CHRM3: variants seen among roughly 807,000 people sequenced by gnomAD.
The protein encoded by CHRM3 is cholinergic receptor muscarinic 3.
A neutral mutation model predicts 41.8 loss-of-function variants in CHRM3; 11 were observed. That is an observed-to-expected ratio of 0.26 (90% CI 0.17 to 0.44). CHRM3 has a LOEUF of 0.44. Ranked by LOEUF, CHRM3 falls within the 20% of genes least tolerant of loss-of-function variation. The pLI, the probability that CHRM3 is intolerant of heterozygous loss-of-function variation, is 1.00. For synonymous variants in CHRM3, 297 were observed against 301.4 expected, an observed-to-expected ratio of 0.99 and a Z score of 0.15; for missense variants, 571 against 745.4, an observed-to-expected ratio of 0.77 and a Z score of 2.72.
intron 5 of CHRM3, among the ~76,000 whole-genome samples, chr1:239,810,500 G>A (rs548118865): frequency 7.2e-5 from 11 of 152,334 alleles, no homozygotes; most frequent in African/African-American, 2.6e-4. Flanking sequence ...AGGGGAACAA[G>A]CCTGGAGGAC....
At chr1:239,506,278 A>G (rs1668564898) in intron 2 of CHRM3, among the ~76,000 whole-genome samples, 1 of 152,088 alleles carries the variant, frequency 6.6e-6, no homozygotes. Flanking sequence ...CCCTCCCATC[A>G]CAAGCCCAGA....
chr1:239,433,632 C>G (rs1190997873), intron 1 of CHRM3, among the ~76,000 whole-genome samples: 1 of 141,952 alleles, frequency 7.0e-6, no homozygotes, highest in Non-Finnish European at 1.5e-5. Flanking sequence ...CCCCCAAGTT[C>G]CCAAAGTCCA....
At chr1:239,435,189 C>T (rs562708370) in intron 1 of CHRM3, among the ~76,000 whole-genome samples, 56 of 142,340 alleles carry the variant, frequency 3.9e-4, no homozygotes, top group Non-Finnish European at 7.0e-4. Context: ...CGATGGCTCA[C>T]GCCTGTAATC....
rs1317788285 is a variant in CHRM3, at chr1:239,708,748, T to C, written c.-147+30460T>C. On this transcript the variant is annotated intron_variant, in intron 5 of 6. Coordinates refer to ENST00000676153, the MANE Select transcript of CHRM3 (RefSeq NM_001375978.1). ...TGGTTTAAATTTTCTTTTTTTTTTT[T>C]TTTTTTTTTTTTTTTGGTGTTTGAG... Among the ~76,000 whole-genome samples the C allele has an allele frequency of 4.3e-5, 6 of 140,670 alleles. No homozygotes were observed. The East Asian group carries it at 1.0e-3, about 24-fold the overall frequency. The allele number at this position is 140,670 out of a possible 152,430, so 92.3% of individuals were successfully genotyped here. A position where few individuals can be genotyped will look rare whatever the true frequency, so the allele number is the denominator to read the frequency against.
chr1:239,710,839 C>T (rs963755516), intron 5 of CHRM3, among the ~76,000 whole-genome samples: 1 of 151,946 alleles, frequency 6.6e-6, no homozygotes, highest in Admixed American at 6.6e-5. Context: ...CCTGGTACCT[C>T]TCACCACACC....
chr1:239,639,363 C>T (rs1488765213), intron 4 of CHRM3, among the ~76,000 whole-genome samples: 1 of 152,164 alleles, frequency 6.6e-6, no homozygotes, highest in Admixed American at 6.5e-5. Flanking sequence ...ACAGTATGGC[C>T]ATTTTTACGA....
intron 4 of CHRM3, among the ~76,000 whole-genome samples, chr1:239,634,615 C>A (rs1670263142): frequency 6.6e-6 from 1 of 150,454 alleles, no homozygotes; most frequent in Non-Finnish European, 1.5e-5. Context: ...CAGCTTTTAC[C>A]CAACAATCAT....
At chr1:239,663,516 T>C (rs1364554048) in intron 4 of CHRM3, among the ~76,000 whole-genome samples, 2 of 152,156 alleles carry the variant, frequency 1.3e-5, no homozygotes, top group African/African-American at 2.4e-5. Flanking sequence ...AAAGGAAGAA[T>C]ACACACTAGT....
chr1:239,665,766 C>A (rs995993674), intron 4 of CHRM3, among the ~76,000 whole-genome samples: 1 of 151,998 alleles, frequency 6.6e-6, no homozygotes, highest in South Asian at 2.1e-4. Context: ...TGGGAACTTG[C>A]GGTGTTTCGT....
At chr1:239,762,131 T>C (rs1330594854) in intron 5 of CHRM3, among the ~76,000 whole-genome samples, 5 of 152,012 alleles carry the variant, frequency 3.3e-5, no homozygotes, top group Admixed American at 2.6e-4. Flanking sequence ...GGCAATAGGG[T>C]AAATCCAGTT....
chr1:239,466,911 G>T (rs1665771393), intron 1 of CHRM3, among the ~76,000 whole-genome samples: 1 of 152,174 alleles, frequency 6.6e-6, no homozygotes, highest in Non-Finnish European at 1.5e-5. Context: ...TCATCTACAT[G>T]ATGAAGTGCA....
intron 3 of CHRM3, among the ~76,000 whole-genome samples, chr1:239,573,095 C>T (rs1001484029): frequency 6.6e-6 from 1 of 152,122 alleles, no homozygotes; most frequent in African/African-American, 2.4e-5. Context: ...CCTTTCATAC[C>T]TTCTCTTCCA....
At chr1:239,814,001 A>G (rs1210122997) in intron 5 of CHRM3, among the ~76,000 whole-genome samples, 1 of 151,850 alleles carries the variant, frequency 6.6e-6, no homozygotes, top group Non-Finnish European at 1.5e-5. Flanking sequence ...AGATGTCACA[A>G]TAATCCTGTG....
chr1:239,533,750 A>AT (rs1558297555), intron 2 of CHRM3, among the ~76,000 whole-genome samples: 1 of 74,136 alleles, frequency 1.3e-5, no homozygotes, highest in East Asian at 3.5e-4. Context: ...AAAAAAAAAA[A>AT]CAAAAAAACC....
chr1:239,454,056 C>A (rs1203328426), intron 1 of CHRM3, among the ~76,000 whole-genome samples: 1 of 152,012 alleles, frequency 6.6e-6, no homozygotes, highest in East Asian at 1.9e-4. Context: ...GAGTTTCCCC[C>A]AAGCACCAAG....
chr1:239,807,466 A>G (rs1670744969), intron 5 of CHRM3, among the ~76,000 whole-genome samples: 1 of 152,208 alleles, frequency 6.6e-6, no homozygotes, highest in South Asian at 2.1e-4. Context: ...ATAAATAGGA[A>G]TGCTACAGGG....
At chr1:239,524,537 A>G (rs1407240648) in intron 2 of CHRM3, among the ~76,000 whole-genome samples, 1 of 152,180 alleles carries the variant, frequency 6.6e-6, no homozygotes, top group Non-Finnish European at 1.5e-5. Flanking sequence ...TGTAATTAAG[A>G]AAATTGGTAT....
chr1:239,638,451 C>T (rs911044245), intron 4 of CHRM3, among the ~76,000 whole-genome samples: 8 of 152,124 alleles, frequency 5.3e-5, no homozygotes, highest in Non-Finnish European at 1.2e-4. Context: ...TAATGATTGC[C>T]ATTCTAACTG....
At chr1:239,675,504 G>T (rs1443321959) in intron 4 of CHRM3, among the ~76,000 whole-genome samples, 4 of 152,136 alleles carry the variant, frequency 2.6e-5, no homozygotes, top group African/African-American at 9.7e-5. Flanking sequence ...CTGCCATTTG[G>T]ATTTTGTCTG....
Sources: allele counts gnomAD v4.1 joint callset (sites outside exome capture counted in the v4.1 genomes callset), GRCh38; gene constraint gnomAD v4.1.1; transcripts MANE v1.5; gene names NCBI Gene and HGNC (gene_info 2026-07-23, HGNC 2026-07-21).